Variants in CPSF3 observed in about 807,000 individuals in gnomAD.
The protein encoded by CPSF3 is cleavage and polyadenylation specific factor 3, also known as cleavage and polyadenylation specificity factor subunit 3.
Under a neutral mutation model 84.1 loss-of-function variants are expected in CPSF3, and 57 were observed. That is an observed-to-expected ratio of 0.68 (90% CI 0.55 to 0.85). CPSF3 has a LOEUF of 0.85. CPSF3 is among the 40% of genes least tolerant of loss of function. The pLI is 0.00. For synonymous variants in CPSF3, 275 were observed against 278.1 expected (o/e 0.99, Z 0.11); for missense variants, 522 against 838.8 (o/e 0.62, Z 4.66).
chr2:9,467,830 G>A, intron 16 of CPSF3, 54 bp downstream of exon 16: 3 of 1,459,826 alleles, frequency 2.1e-6, no homozygotes, highest in Non-Finnish European at 2.9e-6. Context: ...GCCGGAAGGA[G>A]CCCTGGATTC....
intron 14 of CPSF3, among the ~76,000 whole-genome samples, chr2:9,459,128 T>C (rs950470625): frequency 1.3e-5 from 2 of 151,782 alleles, no homozygotes; most frequent in Non-Finnish European, 2.9e-5. Context: ...AAAAAAAAAT[T>C]ACCCTCTTCG....
Position 9,430,677 on chromosome 2 carries a change from G to A in CPSF3, c.213-75G>A, listed in dbSNP as rs1166257482. ...GTTTATATAAAACTTGTTTTGTACA[G>A]TAAGCAACAGTTTCATTACATGGTA... On this transcript the variant is annotated intron_variant, in intron 3 of 17. Transcript: ENST00000238112. 2.1e-6 allele frequency: 3 copies of A among 1,415,146 alleles called. No homozygotes were observed. In the African/African-American group the frequency reaches 4.3e-5, roughly 20 times the overall value. 87.7% of individuals were successfully genotyped at this position (1,415,146 alleles called of 1,614,324 possible).
At chr2:9,434,019 G>A in intron 6 of CPSF3, 59 bp downstream of exon 6, 1 of 946,688 alleles carries the variant, frequency 1.1e-6, no homozygotes, top group Non-Finnish European at 1.7e-6. Context: ...TTTTTCTTTT[G>A]GAAAATAATA....
chr2:9,444,154 A>T (rs971652772), intron 10 of CPSF3, among the ~76,000 whole-genome samples: 56 of 141,398 alleles, frequency 4.0e-4, no homozygotes, highest in African/African-American at 1.4e-3. Context: ...ATATATATAT[A>T]TATATTTTTT....
intron 9 of CPSF3, 92 bp from the exon 10 acceptor site, chr2:9,443,423 C>A: frequency 7.6e-7 from 1 of 1,308,440 alleles, no homozygotes; most frequent in Non-Finnish European, 1.0e-6. Context: ...CTAAATTTAA[C>A]ATGAATTTAT....
At chr2:9,430,664 C>T (rs1389165808) in intron 3 of CPSF3, 88 bp from the exon 4 acceptor site, 2 of 1,286,106 alleles carry the variant, frequency 1.6e-6, no homozygotes, top group Admixed American at 2.3e-5. Context: ...TTATATAAAA[C>T]TTGTTTTGTA....
In CPSF3 at chr2:9,423,771, G is replaced by C. The variant is rs761653937; in HGVS notation, c.-3G>C. On this transcript the variant is annotated 5_prime_UTR_variant, in exon 1 of 18. Coordinates refer to ENST00000238112, the MANE Select transcript of CPSF3 (RefSeq NM_016207.4). ...ACCCCCGCTTCGCCCTCACACTTTCGGGATGTCTGCGATTCCTGCTGAGGA... is the reference window on the plus strand; with the variant it reads ...ACCCCCGCTTCGCCCTCACACTTTCCGGATGTCTGCGATTCCTGCTGAGGA... 11 of 1,613,366 alleles carry C rather than the reference G, an allele frequency of 6.8e-6. No homozygotes were observed. Among genetic ancestry groups the C allele is most frequent in the Middle Eastern group, 1.6e-4 (1 of 6,082 alleles).
intron 13 of CPSF3, among the ~76,000 whole-genome samples, chr2:9,456,051 AGT>A (rs1347438110): frequency 6.6e-6 from 1 of 152,204 alleles, no homozygotes; most frequent in Admixed American, 6.5e-5. Context: ...AAAATTTAGT[AGT>A]CTTTGTTCCT....
intron 7 of CPSF3, among the ~76,000 whole-genome samples, chr2:9,438,031 T>C (rs754656213): frequency 6.6e-6 from 1 of 152,216 alleles, no homozygotes; most frequent in Non-Finnish European, 1.5e-5. Context: ...AATGGGTGCT[T>C]TGCATGAGTG....
rs1680561060 is a variant in CPSF3 at position 9,430,898 on chromosome 2, A to G, written c.341+18A>G. ...AAAGTTAGGTAAATTACTTTATTAG[A>G]TTATACACGACTTTGGCTCTATATG... On this transcript the variant is annotated intron_variant, in intron 4 of 17. Transcript: ENST00000238112. 6.2e-7 allele frequency: 1 copy of G among 1,604,190 alleles called. No homozygotes were observed. The highest frequency in any genetic ancestry group is 1.3e-5 in the African/African-American group (1 of 74,612).
At chr2:9,457,421 G>A (rs951498404) in intron 14 of CPSF3, among the ~76,000 whole-genome samples, 6 of 152,004 alleles carry the variant, frequency 3.9e-5, no homozygotes, top group Non-Finnish European at 8.8e-5. Flanking sequence ...ACAAACTTAG[G>A]TACCACTCGT....
intron 4 of CPSF3, 59 bp from the exon 5 acceptor site, chr2:9,432,452 A>C: frequency 7.9e-7 from 1 of 1,271,674 alleles, no homozygotes; most frequent in South Asian, 2.3e-5. Flanking sequence ...CTTTGTGTTC[A>C]AAGGCTTTTT....
chr2:9,460,248 T>C (rs1681689081), intron 15 of CPSF3, among the ~76,000 whole-genome samples: 1 of 151,914 alleles, frequency 6.6e-6, no homozygotes, highest in Admixed American at 6.6e-5. Context: ...GCTAACACGG[T>C]GAAACCTCGT....
chr2:9,434,468 G>A (rs1218002902), intron 6 of CPSF3, among the ~76,000 whole-genome samples: 2 of 152,172 alleles, frequency 1.3e-5, no homozygotes, highest in Non-Finnish European at 2.9e-5. Context: ...GAGATGCCAG[G>A]CTGCCTCTGG....
intron 10 of CPSF3, 26 bp from the exon 11 acceptor site, chr2:9,448,172 A>G: frequency 7.0e-7 from 1 of 1,434,948 alleles, no homozygotes; most frequent in Non-Finnish European, 9.6e-7. Flanking sequence ...GTTTCCATAT[A>G]TTCTTTTAAC....
intron 12 of CPSF3, 49 bp from the exon 13 acceptor site, chr2:9,455,610 G>A (rs1034282881): frequency 3.0e-6 from 4 of 1,312,462 alleles, no homozygotes; most frequent in Admixed American, 1.9e-5. Context: ...CCTGGTATGT[G>A]TTTTGTAGGA....
chr2:9,460,685 T>C (rs1681701528), intron 15 of CPSF3, among the ~76,000 whole-genome samples: 1 of 151,612 alleles, frequency 6.6e-6, no homozygotes, highest in Admixed American at 6.6e-5. Context: ...CTTTCTTTTT[T>C]TTTTTTTTTG....
chr2:9,455,025 T>C (rs1464320732), intron 12 of CPSF3, among the ~76,000 whole-genome samples: 1 of 152,056 alleles, frequency 6.6e-6, no homozygotes, highest in African/African-American at 2.4e-5. Flanking sequence ...GTAGCCCTTG[T>C]GCCAGGTGGT....
intron 3 of CPSF3, 64 bp downstream of exon 3, chr2:9,430,084 C>T (rs1276171586): frequency 2.0e-6 from 2 of 997,130 alleles, no homozygotes; most frequent in Non-Finnish European, 3.0e-6. Context: ...TCATTCTTTA[C>T]TAGATTTTGA....
Sources: allele counts gnomAD v4.1 joint callset (sites outside exome capture counted in the v4.1 genomes callset), GRCh38; gene constraint gnomAD v4.1.1; transcripts MANE v1.5; gene names NCBI Gene and HGNC (gene_info 2026-07-23, HGNC 2026-07-21).